The following CELF6 variants were observed in gnomAD, a reference collection of about 807,000 sequenced individuals.
The protein encoded by CELF6 is CUGBP Elav-like family member 6, also known as Bruno -like 6, RNA binding protein.
A neutral mutation model predicts 53.1 loss-of-function variants in CELF6; 32 were observed. That is an observed-to-expected ratio of 0.60 (90% CI 0.46 to 0.81). The LOEUF is 0.81. CELF6 is among the 30% of genes least tolerant of loss of function. CELF6 has a pLI of 0.00. For synonymous variants in CELF6, 291 were observed against 288.8 expected, an observed-to-expected ratio of 1.01 and a Z score of -0.08; for missense variants, 539 against 669.5, an observed-to-expected ratio of 0.81 and a Z score of 2.15.
At chr15:72,316,244 C>G (rs1213162554) in intron 1 of CELF6, among the ~76,000 whole-genome samples, 1 of 152,186 alleles carries the variant, frequency 6.6e-6, no homozygotes, top group Non-Finnish European at 1.5e-5. Context: ...GGGGTTAAAC[C>G]TCCCTAAGCA....
At chr15:72,308,587 T>G (rs1291038270) in intron 2 of CELF6, among the ~76,000 whole-genome samples, 5 of 152,184 alleles carry the variant, frequency 3.3e-5, no homozygotes, top group Non-Finnish European at 4.4e-5. Context: ...AAGGGCCAGA[T>G]TAGGGAAGGC....
intron 3 of CELF6, chr15:72,292,284 T>G: frequency 6.6e-7 from 1 of 1,521,058 alleles, no homozygotes; most frequent in African/African-American, 1.4e-5. Flanking sequence ...ACAGGAAAGG[T>G]CTTTCATGAG....
At chr15:72,297,299 C>T (rs1276906444) in intron 3 of CELF6, among the ~76,000 whole-genome samples, 1 of 152,148 alleles carries the variant, frequency 6.6e-6, no homozygotes, top group East Asian at 1.9e-4. Flanking sequence ...ATACTGTAAC[C>T]CCCCTGCCGC....
intron 3 of CELF6, among the ~76,000 whole-genome samples, chr15:72,300,868 T>C (rs1274122605): frequency 1.3e-5 from 2 of 151,610 alleles, no homozygotes; most frequent in Admixed American, 6.6e-5. Context: ...GTGTGCACAA[T>C]GTAATCCTGC....
intron 2 of CELF6, among the ~76,000 whole-genome samples, chr15:72,313,504 T>C (rs1320151259): frequency 1.3e-5 from 2 of 152,162 alleles, no homozygotes; most frequent in African/African-American, 4.8e-5. Context: ...TCCCAAAGTT[T>C]ATCTTAATTT....
At position 72,289,379 on chromosome 15, in the gene CELF6, C is replaced by G; in HGVS notation, c.876G>C (p.Ala292=). 6.4e-7 allele frequency: 1 copy of G among 1,553,218 alleles called. No individual in the cohort carries two copies. Among genetic ancestry groups the G allele is most frequent in the Non-Finnish European group, 8.6e-7 (1 of 1,157,828 alleles). Residue 292 remains alanine, a synonymous_variant, in exon 7 of 13, where the codon GCG becomes GCC. Transcript: ENST00000287202. This position sits in a 1 kb window ranked among gnomAD's most constrained non-coding sequence, Gnocchi z 7.6. ...FSLVAAPLLP[A]AAANSPPGSG... ...CCCAGTCCCTGGGGGCCGTACCTGCCGCGGGCAACAGAGGCGCAGCTACCA... is the reference window on the plus strand; with the variant it reads ...CCCAGTCCCTGGGGGCCGTACCTGCGGCGGGCAACAGAGGCGCAGCTACCA...
intron 3 of CELF6, chr15:72,292,308 C>A: frequency 1.4e-6 from 2 of 1,398,108 alleles, no homozygotes; most frequent in Non-Finnish European, 1.9e-6. Context: ...CTCAACCAAT[C>A]TGATGGCTTT....
rs1453580428 is a variant in CELF6, at chr15:72,299,784, A to G, written c.394+4962T>C. 4.6e-5 allele frequency among the ~76,000 whole-genome samples: 7 copies of G among 152,336 alleles called. No homozygotes were observed. In the East Asian group the frequency reaches 1.3e-3, roughly 29 times the overall value. Reference sequence around the variant, plus strand: ...TCAATGTGTAGCTGCCACAGGATGTAAAATATAGGCCTGGAGTGTGGAGTA... The same window carrying G: ...TCAATGTGTAGCTGCCACAGGATGTGAAATATAGGCCTGGAGTGTGGAGTA... On this transcript the variant is annotated intron_variant, in intron 3 of 12. Coordinates refer to ENST00000287202, the MANE Select transcript of CELF6 (RefSeq NM_052840.5).
Position 72,289,135 on chromosome 15 carries a change from C to T in CELF6, c.1030+3G>A. 1.3e-6 allele frequency: 2 copies of T among 1,524,730 alleles called. No homozygotes were observed. The highest frequency in any genetic ancestry group is 1.7e-6 in the Non-Finnish European group (2 of 1,143,930). The allele number at this position is 1,524,730 out of a possible 1,614,324, so 94.5% of individuals were successfully genotyped here. On this transcript the variant is annotated splice_donor_region_variant and intron_variant, in intron 8 of 12. Transcript: ENST00000287202. The surrounding 1 kb of genome is among the most constrained non-coding windows in gnomAD (Gnocchi z 7.6). ...GGGGATTTGGGCGGAGCGGGGGGCC[C>T]ACCTGGATAAGGGGAGAGCCCGTTA...
At chr15:72,292,457 G>A (rs1325533172) in intron 3 of CELF6, among the ~76,000 whole-genome samples, 2 of 152,228 alleles carry the variant, frequency 1.3e-5, no homozygotes, top group Non-Finnish European at 2.9e-5. Flanking sequence ...GTCCCAAGGG[G>A]GGCTTCACAA....
chr15:72,305,717 G>A (rs1312143124), intron 2 of CELF6, among the ~76,000 whole-genome samples: 1 of 152,084 alleles, frequency 6.6e-6, no homozygotes, highest in Non-Finnish European at 1.5e-5. Context: ...TCCACACAGG[G>A]ATGACTTAGA....
chr15:72,301,119 G>A (rs964628945), intron 3 of CELF6, among the ~76,000 whole-genome samples: 2 of 152,030 alleles, frequency 1.3e-5, no homozygotes, highest in Non-Finnish European at 2.9e-5. Context: ...GAGTAGCTGG[G>A]TAGCTGGGAC....
intron 2 of CELF6, chr15:72,306,213 GC>G (rs2088228237): frequency 3.1e-6 from 3 of 981,310 alleles, no homozygotes; most frequent in South Asian, 4.7e-5. Context: ...ACTGCCAAGA[GC>G]TGGGTGCGTG....
rs1333687077 is a variant in CELF6 at position 72,285,664 on chromosome 15, C to A, written c.*707G>T. ...GGGCCAACCTGAGCTCTGCCTGGGG[C>A]CTCTTCTGGGATGCACTCTGAGTTT... is the stretch of plus-strand genomic sequence containing the variant. On this transcript the variant is annotated 3_prime_UTR_variant, in exon 13 of 13. Transcript: ENST00000287202. The A allele has an allele frequency of 1.3e-5, 2 of 152,404 alleles. No individual in the cohort carries two copies. Among genetic ancestry groups the A allele is most frequent in the Non-Finnish European group, 2.9e-5 (2 of 68,082 alleles). The allele number at this position is 152,404 out of a possible 1,614,324, so 9.4% of individuals were successfully genotyped here.
In CELF6 at chr15:72,287,293, C is replaced by T. The variant is rs772954799; in HGVS notation, c.1418G>A (p.Arg473Gln). The T allele has an allele frequency of 7.4e-6, 12 of 1,614,024 alleles. No homozygotes were observed. The highest frequency in any genetic ancestry group is 1.1e-5 in the South Asian group (1 of 91,078). ...GTAAGGCCGGTTGGCATCCTTGGGC[C>T]GCTTTAGCTGGACCTTGAGCCTCTT... ...GMKRLKVQLK[R>Q]PKDANRPY Residue 473 changes from arginine to glutamine, a missense_variant, in exon 12 of 13, where the codon CGG becomes CAG. Transcript: ENST00000287202.
chr15:72,286,122 C>G lies in CELF6; in HGVS notation c.*249G>C, dbSNP rs2087917685. The G allele has an allele frequency of 6.6e-6, 1 of 152,646 alleles. No individual in the cohort carries two copies. The highest frequency in any genetic ancestry group is 2.4e-5 in the African/African-American group (1 of 41,444). The allele number at this position is 152,646 out of a possible 1,614,324, so 9.5% of individuals were successfully genotyped here. ...GCACCCCCAACGCCCTCTGCTGGTT[C>G]CCCTGGACAGTCACTCCTCACCAGC... On this transcript the variant is annotated 3_prime_UTR_variant, in exon 13 of 13. Coordinates refer to ENST00000287202, the MANE Select transcript of CELF6 (RefSeq NM_052840.5).
chr15:72,306,787 G>C (rs1330368832), intron 2 of CELF6, among the ~76,000 whole-genome samples: 1 of 151,944 alleles, frequency 6.6e-6, no homozygotes, highest in Non-Finnish European at 1.5e-5. Flanking sequence ...CCTGGACCAG[G>C]GACCAGGAGG....
intron 3 of CELF6, among the ~76,000 whole-genome samples, chr15:72,292,914 C>A (rs757472887): frequency 6.6e-6 from 1 of 152,212 alleles, no homozygotes; most frequent in African/African-American, 2.4e-5. Flanking sequence ...ATAATCCCAG[C>A]TATTCAGGAG....
At chr15:72,301,612 ACT>A (rs1454521913) in intron 3 of CELF6, among the ~76,000 whole-genome samples, 1 of 152,074 alleles carries the variant, frequency 6.6e-6, no homozygotes, top group South Asian at 2.1e-4. Context: ...GTGACCATTG[ACT>A]CTGACAGTTT....
Sources: allele counts gnomAD v4.1 joint callset (sites outside exome capture counted in the v4.1 genomes callset), GRCh38; gene constraint gnomAD v4.1.1; non-coding constraint Gnocchi (gnomAD v3.1); transcripts MANE v1.5; gene names NCBI Gene and HGNC (gene_info 2026-07-23, HGNC 2026-07-21).